LARP6: variants seen among roughly 807,000 people sequenced by gnomAD.
LARP6 encodes la-related protein 6.
LARP6 carries 18 observed loss-of-function variants against 32.8 expected under a neutral mutation model. That is an observed-to-expected ratio of 0.55 (90% CI 0.38 to 0.81). LARP6 has a LOEUF of 0.81. Ranked by LOEUF, LARP6 falls within the 40% of genes least tolerant of loss-of-function variation. The pLI, the probability that LARP6 is intolerant of heterozygous loss-of-function variation, is 0.00. For missense variants in LARP6, 598 were observed against 663.1 expected, an observed-to-expected ratio of 0.90 and a Z score of 1.08; for synonymous variants, 289 against 267.2, an observed-to-expected ratio of 1.08 and a Z score of -0.80.
In LARP6 at chr15:70,853,922, C is replaced by T; in HGVS notation, c.167G>A (p.Ser56Asn). ...PARYLSPGWG[S>N]ASEEEPSRGH... is the part of the protein sequence containing the mutation. ...GCGGCTCGGCTCCTCCTCGCTCGCG[C>T]TGCCCCAGCCGGGGCTGAGGTACCG... is the stretch of plus-strand genomic sequence containing the variant. Residue 56 changes from serine to asparagine, a missense_variant, in exon 1 of 3, where the codon AGC becomes AAC. Ser to Asn is a conservative substitution (Grantham distance 46, BLOSUM62 1). Around this residue, in one of 3 missense-constraint regions of LARP6, gnomAD observed 161 missense variants for 148.6 expected, o/e 1.08. Coordinates refer to ENST00000299213, the MANE Select transcript of LARP6 (RefSeq NM_018357.4). 1 of 1,399,626 alleles carries T rather than the reference C, an allele frequency of 7.1e-7. No individual in the cohort carries two copies. Among genetic ancestry groups the T allele is most frequent in the Non-Finnish European group, 9.3e-7 (1 of 1,070,702 alleles). 86.7% of individuals were successfully genotyped at this position (1,399,626 alleles called of 1,614,324 possible).
At position 70,830,253 on chromosome 15, in the gene LARP6, T is replaced by C. The variant is rs930499753; in HGVS notation, c.*1799A>G. 1.3e-5 allele frequency: 2 copies of C among 152,250 alleles called. No individual in the cohort carries two copies. Among genetic ancestry groups the C allele is most frequent in the African/African-American group, 4.8e-5 (2 of 41,456 alleles). The allele number at this position is 152,250 out of a possible 1,614,324, so 9.4% of individuals were successfully genotyped here. ...CAGATCACAATCACCTGCTAATTTG[T>C]ATAGAGCCATATCATTTAGGATATA... is the stretch of plus-strand genomic sequence containing the variant. On this transcript the variant is annotated 3_prime_UTR_variant, in exon 3 of 3. Coordinates refer to ENST00000299213, the MANE Select transcript of LARP6 (RefSeq NM_018357.4).
chr15:70,854,016 C>A lies in LARP6; in HGVS notation c.73G>T (p.Ala25Ser). ...TCCTCCAACTCGTCCACGTCCTCGG[C>A]CTCCTGGATGGCGACGCGGATCTGC... ...AVQIRVAIQE[A>S]EDVDELEDEE... The change falls in exon 1 of 3, where the codon GCC (alanine) becomes TCC (serine). Residue 25 changes from alanine to serine, a missense_variant. By Grantham distance (99) the Ala-to-Ser change is moderately conservative. Transcript: ENST00000299213. 1 of 1,457,704 alleles carries A rather than the reference C, an allele frequency of 6.9e-7. No homozygotes were observed. The highest frequency in any genetic ancestry group is 9.1e-7 in the Non-Finnish European group (1 of 1,098,972). The allele number at this position is 1,457,704 out of a possible 1,614,324, so 90.3% of individuals were successfully genotyped here.
At chr15:70,852,944 C>T (rs956718301) in intron 1 of LARP6, among the ~76,000 whole-genome samples, 1 of 152,186 alleles carries the variant, frequency 6.6e-6, no homozygotes, top group Non-Finnish European at 1.5e-5. Context: ...AGAACCTTAA[C>T]AGCTAAACGC....
At position 70,839,708 on chromosome 15, in the gene LARP6, G is replaced by T. The variant is rs900801467; in HGVS notation, c.201-3203C>A. Among the ~76,000 whole-genome samples the T allele has an allele frequency of 4.6e-5, 7 of 152,026 alleles. No homozygotes were observed. The East Asian group carries it at 1.4e-3, about 30-fold the overall frequency. ...CGCCATTCTCCTGCCTCAGCCTCCCGAGTAGATGGGACTACAGGCGCCCAC... is the reference window on the plus strand; with the variant it reads ...CGCCATTCTCCTGCCTCAGCCTCCCTAGTAGATGGGACTACAGGCGCCCAC... On this transcript the variant is annotated intron_variant, in intron 1 of 2. Transcript: ENST00000299213.
chr15:70,833,030 C>T lies in LARP6; in HGVS notation c.498G>A (p.Lys166=). The change falls in exon 3 of 3, where the codon AAG becomes AAA. Residue 166 remains lysine (K), a synonymous_variant. Transcript: ENST00000299213. ...VVLELNEDHR[K]VRRTTPVPLF... ...GTGGGACGGGGGTGGTCCTCCTCACCTTCCGGTGGTCCTCATTCAACTCAA... is the reference window on the plus strand; with the variant it reads ...GTGGGACGGGGGTGGTCCTCCTCACTTTCCGGTGGTCCTCATTCAACTCAA... The T allele has an allele frequency of 1.2e-6, 2 of 1,614,014 alleles. No individual in the cohort carries two copies. The highest frequency in any genetic ancestry group is 8.5e-7 in the Non-Finnish European group (1 of 1,179,936).
chr15:70,836,559 C>CA, intron 1 of LARP6, 54 bp from the exon 2 acceptor site: 1 of 1,469,968 alleles, frequency 6.8e-7, no homozygotes, highest in Non-Finnish European at 9.5e-7. Context: ...CTGTGTCCCC[C>CA]AAAAATTCAT....
At chr15:70,841,102 A>T (rs962952019) in intron 1 of LARP6, among the ~76,000 whole-genome samples, 2 of 151,524 alleles carry the variant, frequency 1.3e-5, no homozygotes, top group Admixed American at 6.6e-5. Context: ...TTTAGTAGAT[A>T]CAGGGTTTCA....
At chr15:70,846,655 A>T (rs992788116) in intron 1 of LARP6, among the ~76,000 whole-genome samples, 6 of 89,210 alleles carry the variant, frequency 6.7e-5, no homozygotes, top group African/African-American at 1.0e-4. Context: ...CATACATAAT[A>T]AAAAAAAAAC....
At chr15:70,853,625 T>C (rs963669380) in intron 1 of LARP6, 5 of 295,142 alleles carry the variant, frequency 1.7e-5, no homozygotes, top group Admixed American at 1.0e-4. Flanking sequence ...CCTGGATCCC[T>C]GAACATCCCC....
intron 1 of LARP6, chr15:70,852,163 A>C (rs767876524): frequency 2.8e-4 from 109 of 388,422 alleles, no homozygotes; most frequent in Non-Finnish European, 7.2e-5. Context: ...GATAGTGTGG[A>C]TCCTGTTCTT....
intron 1 of LARP6, among the ~76,000 whole-genome samples, chr15:70,839,218 G>A (rs1324119801): frequency 2.0e-5 from 3 of 151,976 alleles, no homozygotes; most frequent in South Asian, 2.1e-4. Context: ...GTGGGCGGAC[G>A]ACTTGATGTC....
chr15:70,848,267 C>A (rs1350261463), intron 1 of LARP6, among the ~76,000 whole-genome samples: 3 of 152,196 alleles, frequency 2.0e-5, no homozygotes, highest in African/African-American at 4.8e-5. Flanking sequence ...CATGAACTTC[C>A]TCTCTGACCC....
In LARP6 at chr15:70,854,105, G is replaced by C; in HGVS notation, c.-17C>G. The C allele has an allele frequency of 8.0e-7, 1 of 1,251,728 alleles. No individual in the cohort carries two copies. The highest frequency in any genetic ancestry group is 1.0e-6 in the Non-Finnish European group (1 of 995,208). The allele number at this position is 1,251,728 out of a possible 1,614,324, so 77.5% of individuals were successfully genotyped here. On this transcript the variant is annotated 5_prime_UTR_variant, in exon 1 of 3. Coordinates refer to ENST00000299213, the MANE Select transcript of LARP6 (RefSeq NM_018357.4). ...CTGGGCCATGGCTCGCGGGACTGCG[G>C]CGCCGCCGGGGTCCTCACGCCGCAA...
chr15:70,847,596 C>T (rs746492500), intron 1 of LARP6, among the ~76,000 whole-genome samples: 1 of 152,028 alleles, frequency 6.6e-6, no homozygotes, highest in Non-Finnish European at 1.5e-5. Flanking sequence ...GTCTCAAACT[C>T]CTAACTTTGT....
In LARP6 at chr15:70,832,078, G is replaced by C. The variant is rs368660953; in HGVS notation, c.1450C>G (p.His484Asp). The change falls in exon 3 of 3, where the codon CAT (histidine) becomes GAT (aspartate). Residue 484 changes from histidine to aspartate, a missense_variant. By Grantham distance (81) the His-to-Asp change is moderately conservative. Coordinates refer to ENST00000299213, the MANE Select transcript of LARP6 (RefSeq NM_018357.4). ...TATACACAGGCCCTGCTCCTCTCATGGCCATGAAATCCTCTGGTGTTGTCA... is the reference window on the plus strand; with the variant it reads ...TATACACAGGCCCTGCTCCTCTCATCGCCATGAAATCCTCTGGTGTTGTCA... Reference protein sequence around the residue: ...GPDNTRGFHGHERSRACV With the variant: ...GPDNTRGFHGDERSRACV The C allele has an allele frequency of 1.5e-4, 235 of 1,532,976 alleles. 1 individual carries two copies. Among genetic ancestry groups the C allele is most frequent in the Non-Finnish European group, 2.0e-4 (228 of 1,141,436 alleles). The allele number at this position is 1,532,976 out of a possible 1,614,324, so 95.0% of individuals were successfully genotyped here. A position where few individuals can be genotyped will look rare whatever the true frequency, so the allele number is the denominator to read the frequency against.
intron 1 of LARP6, among the ~76,000 whole-genome samples, chr15:70,839,673 C>A (rs1409741063): frequency 6.6e-6 from 1 of 152,018 alleles, no homozygotes; most frequent in Non-Finnish European, 1.5e-5. Flanking sequence ...AGCTCTGCCT[C>A]CCGGGTTCAC....
rs1179939460 is a variant in LARP6 at position 70,829,896 on chromosome 15, A to G, written c.*2156T>C. 2 of 152,350 alleles carry G rather than the reference A, an allele frequency of 1.3e-5. No individual in the cohort carries two copies. Among genetic ancestry groups the G allele is most frequent in the African/African-American group, 4.8e-5 (2 of 41,476 alleles). The allele number at this position is 152,350 out of a possible 1,614,324, so 9.4% of individuals were successfully genotyped here. A position where few individuals can be genotyped will look rare whatever the true frequency, so the allele number is the denominator to read the frequency against. On this transcript the variant is annotated 3_prime_UTR_variant, in exon 3 of 3. Coordinates refer to ENST00000299213, the MANE Select transcript of LARP6 (RefSeq NM_018357.4). ...TAAAAATAGAGCTGTGACTTGTGTA[A>G]CAGGCATAATAGGGTGGAACAGCCT...
chr15:70,850,387 C>T (rs1432702328), intron 1 of LARP6, among the ~76,000 whole-genome samples: 18 of 152,136 alleles, frequency 1.2e-4, no homozygotes, highest in Admixed American at 1.2e-3. Context: ...GATACTAAAG[C>T]CAAACAAGGA....
At chr15:70,840,237 T>C (rs996445859) in intron 1 of LARP6, among the ~76,000 whole-genome samples, 2 of 152,150 alleles carry the variant, frequency 1.3e-5, no homozygotes, top group East Asian at 1.9e-4. Flanking sequence ...GCCTAAATAG[T>C]AGTTAAAACA....
Sources: allele counts gnomAD v4.1 joint callset (sites outside exome capture counted in the v4.1 genomes callset), GRCh38; gene constraint gnomAD v4.1.1; regional missense constraint gnomAD v4.1.1; transcripts MANE v1.5; gene names NCBI Gene and HGNC (gene_info 2026-07-23, HGNC 2026-07-21).